ITGAE: variants seen among roughly 807,000 people sequenced by gnomAD.
ITGAE encodes integrin subunit alpha E.
In ITGAE, 99 loss-of-function variants were observed where a neutral mutation model predicts 136.5. The observed-to-expected ratio is 0.73, with a 90% CI of 0.62 to 0.86. The LOEUF (loss-of-function observed/expected upper bound fraction) is 0.86. Ranked by LOEUF, ITGAE falls within the 40% of genes least tolerant of loss-of-function variation. The pLI, the probability that ITGAE is intolerant of heterozygous loss-of-function variation, is 0.00. For synonymous variants in ITGAE, 613 were observed against 591.8 expected, an observed-to-expected ratio of 1.04 and a Z score of -0.52; for missense variants, 1,447 against 1,515.3, an observed-to-expected ratio of 0.95 and a Z score of 0.75.
chr17:3,789,495 C>CT (rs1177226468), intron 1 of ITGAE, among the ~76,000 whole-genome samples: 94 of 86,378 alleles, frequency 1.1e-3, no homozygotes, highest in African/African-American at 3.5e-3. Flanking sequence ...CTCTTTCCTT[C>CT]TTTTTTTTTG....
intron 2 of ITGAE, among the ~76,000 whole-genome samples, chr17:3,771,941 CCT>C (rs2052434018): frequency 6.6e-6 from 1 of 152,136 alleles, no homozygotes; most frequent in African/African-American, 2.4e-5. Flanking sequence ...TCCCTGAAAA[CCT>C]CACCACCCCT....
Position 3,751,762 on chromosome 17 carries a change from T to A in ITGAE, c.1781A>T (p.Asp594Val). Reference sequence around the variant, plus strand: ...TTCCAGGGGGGCCCCGATGGCCACATCTGTGAGCTTATCCTGACTGAGATC... The same window carrying A: ...TTCCAGGGGGGCCCCGATGGCCACAACTGTGAGCTTATCCTGACTGAGATC... ...MGDLSQDKLT[D>V]VAIGAPLEGF... The change falls in exon 15 of 31, where the codon GAT (aspartate) becomes GTT (valine). Residue 594 changes from aspartate (D) to valine (V), a missense_variant. By Grantham distance (152) the Asp-to-Val change is radical. Coordinates refer to ENST00000263087, the MANE Select transcript of ITGAE (RefSeq NM_002208.5). 6 of 1,614,064 alleles carry A rather than the reference T, an allele frequency of 3.7e-6. No homozygotes were observed. The highest frequency in any genetic ancestry group is 5.1e-6 in the Non-Finnish European group (6 of 1,179,980).
rs189195578 is a variant in ITGAE, at chr17:3,786,326, A to G, written c.35-8666T>C. 6.6e-4 allele frequency among the ~76,000 whole-genome samples: 100 copies of G among 151,384 alleles called. No individual in the cohort carries two copies. In the East Asian group the frequency reaches 0.013, roughly 20 times the overall value. On this transcript the variant is annotated intron_variant, in intron 1 of 30. Transcript: ENST00000263087. ...TGAGTAAGATATTTTACTCATGACT[A>G]AAAATCTTAGGGAGATCTCTACGCC...
intron 2 of ITGAE, among the ~76,000 whole-genome samples, chr17:3,769,653 T>C (rs1416003605): frequency 6.6e-6 from 1 of 152,240 alleles, no homozygotes; most frequent in African/African-American, 2.4e-5. Context: ...GTCCATCTCC[T>C]GCCTTTATTT....
In ITGAE at chr17:3,757,081, G is replaced by A. The variant is rs543666875; in HGVS notation, c.1074C>T (p.Ala358=). 1.9e-6 allele frequency: 3 copies of A among 1,614,192 alleles called. No individual in the cohort carries two copies. The highest frequency in any genetic ancestry group is 2.2e-5 in the South Asian group (2 of 91,088). The change falls in exon 10 of 31, where the codon GCC becomes GCT. Residue 358 remains alanine, a synonymous_variant. Coordinates refer to ENST00000263087, the MANE Select transcript of ITGAE (RefSeq NM_002208.5). ...ARTARELNLI[A]SDPDETHAFK... ...AAGCATGGGTCTCATCCGGGTCTGA[G>A]GCGATCAGGTTCAGTTCCCTCGCAG... is the stretch of plus-strand genomic sequence containing the variant.
intron 29 of ITGAE, among the ~76,000 whole-genome samples, chr17:3,718,583 G>A (rs142940947): frequency 5.3e-5 from 8 of 152,328 alleles, no homozygotes; most frequent in African/African-American, 1.9e-4. Context: ...TAGAGTCACT[G>A]TAAGTCAGGG....
intron 1 of ITGAE, among the ~76,000 whole-genome samples, chr17:3,787,484 C>A (rs987031633): frequency 3.9e-5 from 6 of 152,024 alleles, no homozygotes; most frequent in Admixed American, 2.0e-4. Context: ...ATTTCATACA[C>A]CGGCCTTAAG....
chr17:3,719,691 C>CA (rs913682898), intron 29 of ITGAE, among the ~76,000 whole-genome samples: 1 of 152,022 alleles, frequency 6.6e-6, no homozygotes, highest in Non-Finnish European at 1.5e-5. Context: ...TTACTGGATA[C>CA]AAAAAACAAT....
At chr17:3,763,809 G>A (rs933029600) in intron 3 of ITGAE, 60 bp downstream of exon 3, 81 of 1,337,278 alleles carry the variant, frequency 6.1e-5, no homozygotes, top group Admixed American at 8.4e-5. Context: ...GTTTAGATGA[G>A]GGGGATTTTG....
intron 26 of ITGAE, chr17:3,725,988 A>T (rs1360094869): frequency 6.2e-7 from 1 of 1,613,936 alleles, no homozygotes. Context: ...GCAAGTGAGC[A>T]TCATTGACTA....
intron 20 of ITGAE, among the ~76,000 whole-genome samples, chr17:3,739,556 C>T (rs1027939942): frequency 6.6e-6 from 1 of 152,192 alleles, no homozygotes; most frequent in Non-Finnish European, 1.5e-5. Context: ...GGTTCAAGTC[C>T]ACCAAATGGC....
At chr17:3,769,651 C>T (rs558185927) in intron 2 of ITGAE, among the ~76,000 whole-genome samples, 3 of 152,332 alleles carry the variant, frequency 2.0e-5, no homozygotes, top group African/African-American at 7.2e-5. Context: ...TTGTCCATCT[C>T]CTGCCTTTAT....
intron 7 of ITGAE, 134 bp downstream of exon 7, chr17:3,760,038 C>A (rs1224423883): frequency 7.8e-6 from 5 of 644,202 alleles, no homozygotes; most frequent in Middle Eastern, 3.2e-4. Flanking sequence ...GCAAGATGGA[C>A]AGAAGAATCA....
At position 3,757,827 on chromosome 17, in the gene ITGAE, C is replaced by T. The variant is rs367581201; in HGVS notation, c.899G>A (p.Arg300Lys). ...CACCATGACCTTGGATGCCTTTCTC[C>T]TGGAGCCGTGGCTTGAGGTGAAGAT... ...DSIFTSSHGS[R>K]RKASKVMVVL... The change falls in exon 9 of 31, where the codon AGG becomes AAG. Residue 300 changes from arginine (R) to lysine (K), a missense_variant. Physicochemically the swap from Arg to Lys is conservative, Grantham distance 26. Coordinates refer to ENST00000263087, the MANE Select transcript of ITGAE (RefSeq NM_002208.5). 112 of 1,614,070 alleles carry T rather than the reference C, an allele frequency of 6.9e-5. No individual in the cohort carries two copies. The highest frequency in any genetic ancestry group is 9.0e-5 in the Non-Finnish European group (106 of 1,180,052).
chr17:3,723,828 G>C (rs1204736553), intron 26 of ITGAE, 84 bp from the exon 27 acceptor site: 4 of 1,556,800 alleles, frequency 2.6e-6, no homozygotes, highest in Non-Finnish European at 3.5e-6. Context: ...CCCTGGCGAG[G>C]TGCGCATGCG....
intron 1 of ITGAE, among the ~76,000 whole-genome samples, chr17:3,789,614 C>T (rs1472242371): frequency 6.6e-6 from 1 of 152,030 alleles, no homozygotes; most frequent in Non-Finnish European, 1.5e-5. Context: ...GATTCTCCTG[C>T]CTCAACCTCC....
intron 20 of ITGAE, among the ~76,000 whole-genome samples, chr17:3,737,032 G>A (rs2051473514): frequency 6.6e-6 from 1 of 151,576 alleles, no homozygotes; most frequent in Admixed American, 6.6e-5. Flanking sequence ...GGTGGCTCAC[G>A]CCTGTAATCC....
intron 1 of ITGAE, among the ~76,000 whole-genome samples, chr17:3,785,504 A>G (rs1053180656): frequency 1.1e-5 from 1 of 89,910 alleles, no homozygotes. Flanking sequence ...AGGAGGAAGG[A>G]AGGAAGGAAG....
chr17:3,792,679 G>A (rs1014288951), intron 1 of ITGAE, among the ~76,000 whole-genome samples: 7 of 152,190 alleles, frequency 4.6e-5, no homozygotes, highest in Non-Finnish European at 7.3e-5. Context: ...ACACAGCGCT[G>A]GCTCACAGAA....
Sources: allele counts gnomAD v4.1 joint callset (sites outside exome capture counted in the v4.1 genomes callset), GRCh38; gene constraint gnomAD v4.1.1; transcripts MANE v1.5; gene names NCBI Gene and HGNC (gene_info 2026-07-23, HGNC 2026-07-21).